Variants in PAK5 observed in about 807,000 individuals in gnomAD.
PAK5 encodes the protein p21 (RAC1) activated kinase 5, also known as serine/threonine-protein kinase PAK 5.
In PAK5, 16 loss-of-function variants were observed where a neutral mutation model predicts 65.9. That is an observed-to-expected ratio of 0.24 (90% CI 0.16 to 0.37). The LOEUF (loss-of-function observed/expected upper bound fraction) is 0.37. Ranked by LOEUF, PAK5 falls within the 10% of genes least tolerant of loss-of-function variation. PAK5 has a pLI of 1.00. For synonymous variants in PAK5, 371 were observed against 354.9 expected, an observed-to-expected ratio of 1.05 and a Z score of -0.51; for missense variants, 785 against 903.9, an observed-to-expected ratio of 0.87 and a Z score of 1.69.
At chr20:9,607,735 A>G (rs1170256401) in intron 3 of PAK5, among the ~76,000 whole-genome samples, 1 of 152,052 alleles carries the variant, frequency 6.6e-6, no homozygotes, top group Admixed American at 6.6e-5. Flanking sequence ...CTAAGGTGGG[A>G]GGATTACTTG....
Position 9,539,318 on chromosome 20 carries a change from G to A in PAK5, c.*144C>T. 2 of 746,912 alleles carry A rather than the reference G, an allele frequency of 2.7e-6. No homozygotes were observed. Among genetic ancestry groups the A allele is most frequent in the South Asian group, 1.7e-5 (1 of 57,336 alleles). The allele number at this position is 746,912 out of a possible 1,614,324, so 46.3% of individuals were successfully genotyped here. ...AAGACACAAGAAGATGCCCTGGTCT[G>A]TTGAACCCTGCCGGTCATCACGCTG... On this transcript the variant is annotated 3_prime_UTR_variant, in exon 10 of 10. Transcript: ENST00000353224.
At chr20:9,572,772 G>T (rs1406889767) in intron 4 of PAK5, among the ~76,000 whole-genome samples, 1 of 152,204 alleles carries the variant, frequency 6.6e-6, no homozygotes, top group Non-Finnish European at 1.5e-5. Flanking sequence ...GTGGGAAACT[G>T]CAATGTAAGA....
intron 3 of PAK5, among the ~76,000 whole-genome samples, chr20:9,642,117 G>A (rs186215249): frequency 1.4e-3 from 212 of 152,328 alleles, no homozygotes; most frequent in African/African-American, 4.7e-3. Flanking sequence ...GAGAGCAAGC[G>A]AGGGCTCTGA....
chr20:9,559,215 G>A (rs2045557409), intron 6 of PAK5, among the ~76,000 whole-genome samples: 1 of 152,096 alleles, frequency 6.6e-6, no homozygotes, highest in Admixed American at 6.6e-5. Flanking sequence ...AAATGTAAAA[G>A]AGGTCCTAAA....
chr20:9,763,840 G>C (rs1031983891), intron 1 of PAK5, among the ~76,000 whole-genome samples: 1 of 151,986 alleles, frequency 6.6e-6, no homozygotes, highest in Non-Finnish European at 1.5e-5. Flanking sequence ...TGTATATTGT[G>C]TTTATACGTA....
chr20:9,598,947 A>G (rs2046316290), intron 3 of PAK5, among the ~76,000 whole-genome samples: 1 of 152,208 alleles, frequency 6.6e-6, no homozygotes, highest in South Asian at 2.1e-4. Flanking sequence ...ACAGTGTTGT[A>G]CAACCATCAC....
At chr20:9,837,234 A>G (rs1979222519) in intron 1 of PAK5, among the ~76,000 whole-genome samples, 1 of 152,190 alleles carries the variant, frequency 6.6e-6, no homozygotes, top group African/African-American at 2.4e-5. Flanking sequence ...CCTTGCACAT[A>G]TGTATTCCAA....
intron 2 of PAK5, among the ~76,000 whole-genome samples, chr20:9,704,870 T>C (rs2123471647): frequency 6.6e-6 from 1 of 152,218 alleles, no homozygotes; most frequent in Non-Finnish European, 1.5e-5. Context: ...GACAGAGACA[T>C]GCTGTATAGG....
chr20:9,698,195 A>G (rs923349611), intron 2 of PAK5, among the ~76,000 whole-genome samples: 4 of 152,068 alleles, frequency 2.6e-5, no homozygotes, highest in African/African-American at 9.7e-5. Flanking sequence ...CCCCTCAACT[A>G]TATACTCTTT....
intron 1 of PAK5, among the ~76,000 whole-genome samples, chr20:9,794,103 C>T (rs1366995834): frequency 2.7e-5 from 4 of 148,156 alleles, no homozygotes; most frequent in Non-Finnish European, 5.9e-5. Flanking sequence ...CGCATGTTCT[C>T]ATTCATAAGT....
Position 9,580,908 on chromosome 20 carries a change from G to T in PAK5, c.227C>A (p.Pro76His). Reference protein sequence around the residue: ...PMKTIVRGNKPCKETSINGLL... With the variant: ...PMKTIVRGNKHCKETSINGLL... ...GCCGTTGATGGAGGTTTCCTTGCAGGGTTTGTTTCCTCTAACGATTGTCTG... is the reference window on the plus strand; with the variant it reads ...GCCGTTGATGGAGGTTTCCTTGCAGTGTTTGTTTCCTCTAACGATTGTCTG... The change falls in exon 4 of 10, where the codon CCC (proline) becomes CAC (histidine). Residue 76 changes from proline to histidine, a missense_variant. Physicochemically the swap from Pro to His is moderately conservative, Grantham distance 77. Coordinates refer to ENST00000353224, the MANE Select transcript of PAK5 (RefSeq NM_177990.4). 6.3e-7 allele frequency: 1 copy of T among 1,598,188 alleles called. No homozygotes were observed. The highest frequency in any genetic ancestry group is 8.5e-7 in the Non-Finnish European group (1 of 1,172,744).
intron 1 of PAK5, among the ~76,000 whole-genome samples, chr20:9,741,827 C>T (rs920766894): frequency 6.6e-6 from 1 of 151,834 alleles, no homozygotes; most frequent in Non-Finnish European, 1.5e-5. Flanking sequence ...GATACATCCA[C>T]TTCTTCAAGC....
At chr20:9,605,878 C>T (rs1432679209) in intron 3 of PAK5, among the ~76,000 whole-genome samples, 4 of 151,898 alleles carry the variant, frequency 2.6e-5, no homozygotes, top group Admixed American at 6.6e-5. Context: ...TGCAGTGAGC[C>T]GAGATGGCGC....
rs1198092720 is a variant in PAK5 at position 9,539,423 on chromosome 20, T to G, written c.*39A>C. On this transcript the variant is annotated 3_prime_UTR_variant, in exon 10 of 10. Coordinates refer to ENST00000353224, the MANE Select transcript of PAK5 (RefSeq NM_177990.4). ...CTTTTGTTCTCCTGAATTATTCTCA[T>G]GTCCTCATCTAGCTTTGCCACCTAC... The G allele has an allele frequency of 6.3e-7, 1 of 1,595,728 alleles. No homozygotes were observed. The highest frequency in any genetic ancestry group is 2.2e-5 in the East Asian group (1 of 44,736).
chr20:9,596,265 A>G (rs1423226096), intron 3 of PAK5, among the ~76,000 whole-genome samples: 1 of 152,068 alleles, frequency 6.6e-6, no homozygotes, highest in East Asian at 1.9e-4. Flanking sequence ...AAGGCTGTTT[A>G]CTCTTTAGGA....
At chr20:9,721,853 A>C (rs2048219224) in intron 1 of PAK5, among the ~76,000 whole-genome samples, 1 of 152,036 alleles carries the variant, frequency 6.6e-6, no homozygotes, top group African/African-American at 2.4e-5. Context: ...AAAACTATAC[A>C]TTTAAAATGT....
At chr20:9,604,658 T>A (rs1487306063) in intron 3 of PAK5, among the ~76,000 whole-genome samples, 1 of 152,206 alleles carries the variant, frequency 6.6e-6, no homozygotes, top group East Asian at 1.9e-4. Context: ...CTCTAATGAC[T>A]CCTCCTGCTT....
chr20:9,613,434 G>A (rs2046600279), intron 3 of PAK5, among the ~76,000 whole-genome samples: 1 of 152,166 alleles, frequency 6.6e-6, no homozygotes, highest in African/African-American at 2.4e-5. Flanking sequence ...GGAGCTCAGT[G>A]TGCACAGGTC....
At chr20:9,701,870 TGCACCTGTAGTCCCA>T (rs1600261197) in intron 2 of PAK5, among the ~76,000 whole-genome samples, 1 of 151,990 alleles carries the variant, frequency 6.6e-6, no homozygotes. Flanking sequence ...TGTGGTGGCC[TGCACCTGTAGTCCCA>T]GCTACTTGGG....
Sources: allele counts gnomAD v4.1 joint callset (sites outside exome capture counted in the v4.1 genomes callset), GRCh38; gene constraint gnomAD v4.1.1; transcripts MANE v1.5; gene names NCBI Gene and HGNC (gene_info 2026-07-23, HGNC 2026-07-21).